Variants in RGS6 observed in about 807,000 individuals in gnomAD.
The protein encoded by RGS6 is regulator of G-protein signaling 6.
RGS6 carries 30 observed loss-of-function variants against 78.5 expected under a neutral mutation model. That is an observed-to-expected ratio of 0.38 (90% CI 0.29 to 0.52). RGS6 has a LOEUF of 0.52. Among genes scored for constraint, RGS6 ranks in the 20% least tolerant of loss-of-function variants. RGS6 has a pLI of 0.85. For synonymous variants in RGS6, 206 were observed against 206.0 expected (o/e 1.00, Z 0.00); for missense variants, 495 against 609.7 (o/e 0.81, Z 1.98).
downstream of RGS6, chr14:72,566,604 C>T (rs1479467494): frequency 6.6e-6 from 1 of 150,938 alleles, no homozygotes; most frequent in Non-Finnish European, 1.5e-5. Context: ...GACCACCCCT[C>T]CCCACACTCC....
At chr14:72,155,617 T>C (rs2096759515) in intron 2 of RGS6, among the ~76,000 whole-genome samples, 1 of 152,258 alleles carries the variant, frequency 6.6e-6, no homozygotes, top group South Asian at 2.1e-4. Context: ...ATTAGTGGTT[T>C]GGATTCTTTA....
chr14:72,215,185 T>C (rs1490940599), intron 2 of RGS6, among the ~76,000 whole-genome samples: 1 of 152,210 alleles, frequency 6.6e-6, no homozygotes, highest in African/African-American at 2.4e-5. Flanking sequence ...CTTCTCTTCC[T>C]CCTTTTCTAG....
At chr14:72,521,224 T>C (rs1370516210) in intron 15 of RGS6, among the ~76,000 whole-genome samples, 1 of 152,228 alleles carries the variant, frequency 6.6e-6, no homozygotes, top group Non-Finnish European at 1.5e-5. Context: ...TCAAGGGCAC[T>C]GGATGATAGC....
At chr14:71,877,182 T>C in the RGS6 span, among the ~76,000 whole-genome samples, 1 of 152,304 alleles carries the variant, frequency 6.6e-6, no homozygotes, top group African/African-American at 2.4e-5. Flanking sequence ...AGAGTATCTT[T>C]GTGGCATTCT....
chr14:71,894,423 A>G, the RGS6 span, among the ~76,000 whole-genome samples: 1 of 152,246 alleles, frequency 6.6e-6, no homozygotes, highest in Non-Finnish European at 1.5e-5. Flanking sequence ...CCCTTGTAGC[A>G]GAGCACATGT....
chr14:72,391,310 G>T (rs2152946691), intron 3 of RGS6, among the ~76,000 whole-genome samples: 1 of 152,272 alleles, frequency 6.6e-6, no homozygotes, highest in South Asian at 2.1e-4. Flanking sequence ...AAGAATTTCG[G>T]CTGTCACGAC....
At chr14:71,919,575 T>G in the RGS6 span, among the ~76,000 whole-genome samples, 1 of 152,000 alleles carries the variant, frequency 6.6e-6, no homozygotes, top group South Asian at 2.1e-4. Context: ...TGAACGTCCA[T>G]AGACACTCCT....
At chr14:72,221,150 C>T (rs847316) in intron 2 of RGS6, among the ~76,000 whole-genome samples, 150,362 of 152,320 alleles carry the variant, frequency 0.99, 74,224 homozygotes, top group East Asian at 1. Flanking sequence ...CATAAAGTCA[C>T]ACCTTGGGAG....
chr14:71,873,897 G>T, the RGS6 span, among the ~76,000 whole-genome samples: 1 of 152,142 alleles, frequency 6.6e-6, no homozygotes, highest in East Asian at 1.9e-4. Context: ...ATTAAATTGG[G>T]AATCCTTTCC....
chr14:72,133,644 G>A (rs2096376105), intron 2 of RGS6, among the ~76,000 whole-genome samples: 2 of 152,062 alleles, frequency 1.3e-5, no homozygotes, highest in African/African-American at 4.8e-5. Context: ...AGGATGGGAA[G>A]ATACTATGTC....
the RGS6 span, among the ~76,000 whole-genome samples, chr14:72,622,490 G>A: frequency 3.3e-5 from 5 of 152,124 alleles, 1 homozygote; most frequent in Admixed American, 3.3e-4. Flanking sequence ...GTCAGAAACA[G>A]TGTTATTAAT....
intron 2 of RGS6, among the ~76,000 whole-genome samples, chr14:72,226,911 T>C (rs535688388): frequency 2.3e-3 from 353 of 152,312 alleles, no homozygotes; most frequent in Non-Finnish European, 4.1e-3. Flanking sequence ...GGTCTTGAAC[T>C]CCTGGTGTCA....
chr14:72,592,877 T>C, the RGS6 span, among the ~76,000 whole-genome samples: 1 of 152,180 alleles, frequency 6.6e-6, no homozygotes, highest in Non-Finnish European at 1.5e-5. Context: ...ACTCTCAGAA[T>C]GTGGCTGACC....
intron 2 of RGS6, among the ~76,000 whole-genome samples, chr14:72,304,698 G>A (rs551395351): frequency 3.1e-4 from 47 of 152,136 alleles, no homozygotes; most frequent in Non-Finnish European, 4.4e-5. Context: ...GACCAATATG[G>A]TAAAACCCCA....
At chr14:72,485,693 G>A (rs905967008) in intron 12 of RGS6, among the ~76,000 whole-genome samples, 2 of 152,158 alleles carry the variant, frequency 1.3e-5, no homozygotes, top group African/African-American at 4.8e-5. Context: ...CTGCAAAATA[G>A]AAGCATGCCT....
rs10131844 is a variant in RGS6 at position 72,561,202 on chromosome 14, C to T, written c.1423-1215C>T. ...TTTTTTAAATTACATCTAGCTTACA[C>T]GCAGCCAAGCCCAGTAAACAAGACG... is the stretch of plus-strand genomic sequence containing the variant. On this transcript the variant is annotated intron_variant, in intron 17 of 17. Coordinates refer to ENST00000553525, the MANE Select transcript of RGS6 (RefSeq NM_001204424.2). 5.8e-3 allele frequency among the ~76,000 whole-genome samples: 889 copies of T among 152,256 alleles called. 10 individuals carry two copies. The highest frequency in any genetic ancestry group is 0.02 in the African/African-American group (820 of 41,520).
intron 2 of RGS6, among the ~76,000 whole-genome samples, chr14:72,237,885 A>C (rs758322857): frequency 3.3e-5 from 5 of 152,166 alleles, no homozygotes; most frequent in Non-Finnish European, 7.4e-5. Context: ...CATAGCAGTT[A>C]CTATCTGCAG....
At chr14:72,494,513 A>G (rs2096618529) in intron 12 of RGS6, among the ~76,000 whole-genome samples, 1 of 152,108 alleles carries the variant, frequency 6.6e-6, no homozygotes, top group South Asian at 2.1e-4. Context: ...TTTAGTATAT[A>G]TAATCATTTG....
chr14:71,956,349 G>C (rs1467701449), intron 1 of RGS6, among the ~76,000 whole-genome samples: 8 of 64,544 alleles, frequency 1.2e-4, no homozygotes, highest in Non-Finnish European at 2.4e-4. Flanking sequence ...GTGTGTGTGT[G>C]TGTGTGTGTA....
Sources: gnomAD v4.1 joint callset for allele counts (sites outside exome capture counted in the v4.1 genomes callset) on GRCh38, gnomAD v4.1.1 for gene constraint, MANE v1.5 for transcripts, NCBI Gene and HGNC (gene_info 2026-07-23, HGNC 2026-07-21) for gene names.